Variants in SPEG observed in about 807,000 individuals in gnomAD.
SPEG encodes striated muscle enriched protein kinase.
Under a neutral mutation model 300.4 loss-of-function variants are expected in SPEG, and 114 were observed. The observed-to-expected ratio is 0.38, with a 90% confidence interval of 0.33 to 0.44. SPEG has a LOEUF of 0.44. Among genes scored for constraint, SPEG ranks in the 20% least tolerant of loss-of-function variants. The pLI, the probability that SPEG is intolerant of heterozygous loss-of-function variation, is 1.00. For synonymous variants in SPEG, 1,964 were observed against 2,018.9 expected, an observed-to-expected ratio of 0.97 and a Z score of 0.73; for missense variants, 4,201 against 4,586.2, an observed-to-expected ratio of 0.92 and a Z score of 2.43.
rs201500512 is a variant in SPEG at position 219,490,463 on chromosome 2, C to G, written c.8976C>G (p.Phe2992Leu). 4.3e-6 allele frequency: 7 copies of G among 1,613,182 alleles called. No homozygotes were observed. In the African/African-American group the frequency reaches 6.7e-5, roughly 15 times the overall value. ...ACRENATGRT[F>L]VAKIVPYAAE... ...GGGAGAATGCCACGGGGCGAACGTT[C>G]GTGGCCAAGATCGTGCCCTATGCTG... The change falls in exon 37 of 41, where the codon TTC becomes TTG. Residue 2992 changes from phenylalanine to leucine, a missense_variant. By Grantham distance (22) the Phe-to-Leu change is conservative. Coordinates refer to ENST00000312358, the MANE Select transcript of SPEG (RefSeq NM_005876.5).
At position 219,491,844 on chromosome 2, in the gene SPEG, G is replaced by C; in HGVS notation, c.9436G>C (p.Gly3146Arg). The C allele has an allele frequency of 6.2e-7, 1 of 1,611,916 alleles. No individual in the cohort carries two copies. The highest frequency in any genetic ancestry group is 8.5e-7 in the Non-Finnish European group (1 of 1,179,086). ...CATCGGCTCTGCCACGGACATCTGG[G>C]GAGCGGGTGTGCTCACTTACATTAT... is the stretch of plus-strand genomic sequence containing the variant. ...EPIGSATDIW[G>R]AGVLTYIMLS... Residue 3146 changes from glycine to arginine, a missense_variant, in exon 39 of 41, where the codon GGA becomes CGA. Coordinates refer to ENST00000312358, the MANE Select transcript of SPEG (RefSeq NM_005876.5).
At chr2:219,490,699 C>T (rs1273930068) in intron 37 of SPEG, 34 bp from the exon 38 acceptor site, 9 of 1,610,690 alleles carry the variant, frequency 5.6e-6, no homozygotes, top group South Asian at 1.1e-5. Context: ...GGAGGCTGGG[C>T]CGGGTATCAT....
chr2:219,471,494 C>T (rs1003244501), intron 13 of SPEG, among the ~76,000 whole-genome samples: 1 of 151,966 alleles, frequency 6.6e-6, no homozygotes, highest in Non-Finnish European at 1.5e-5. Flanking sequence ...AAGCTTTGTT[C>T]GAGTTTTGAC....
At chr2:219,467,499 G>T in intron 10 of SPEG, 65 bp downstream of exon 10, 3 of 1,533,780 alleles carry the variant, frequency 2.0e-6, no homozygotes, top group East Asian at 2.3e-5. Context: ...GGGACTGGGG[G>T]TGTACAGTAA....
chr2:219,442,052 T>A, intron 1 of SPEG: 2 of 1,160,092 alleles, frequency 1.7e-6, no homozygotes, highest in Non-Finnish European at 2.1e-6. Context: ...TCCCCCGCCA[T>A]GAAGAAGCTG....
rs369395171 is a variant in SPEG at position 219,461,974 on chromosome 2, C to T, written c.2533C>T (p.Pro845Ser). The change falls in exon 7 of 41, where the codon CCG becomes TCG. Residue 845 changes from proline to serine, a missense_variant. Physicochemically the swap from Pro to Ser is moderately conservative, Grantham distance 74 (BLOSUM62 -1). Coordinates refer to ENST00000312358, the MANE Select transcript of SPEG (RefSeq NM_005876.5). Reference sequence around the variant, plus strand: ...GTTCCCAGAGCCTGGGGAGACCTGGCCGCGAACCCCCACCATGAAGCCCAG... The same window carrying T: ...GTTCCCAGAGCCTGGGGAGACCTGGTCGCGAACCCCCACCATGAAGCCCAG... Reference protein sequence around the residue: ...EEFPEPGETWPRTPTMKPSPS... With the variant: ...EEFPEPGETWSRTPTMKPSPS... 12 of 1,613,556 alleles carry T rather than the reference C, an allele frequency of 7.4e-6. No homozygotes were observed. Among genetic ancestry groups the T allele is most frequent in the South Asian group, 1.1e-5 (1 of 91,062 alleles).
Position 219,439,225 on chromosome 2 carries a change from G to A in SPEG, c.388+3860G>A, listed in dbSNP as rs1262225089. 3.9e-5 allele frequency among the ~76,000 whole-genome samples: 6 copies of A among 152,096 alleles called. No homozygotes were observed. Among genetic ancestry groups the A allele is most frequent in the Non-Finnish European group, 7.4e-5 (5 of 68,022 alleles). ...CGTTGCAGGAAGATTTACTGTCCCC[G>A]TTCCCATCACTGCTTACCCTCTCCA... On this transcript the variant is annotated intron_variant, in intron 1 of 40. Coordinates refer to ENST00000312358, the MANE Select transcript of SPEG (RefSeq NM_005876.5). This position sits in a 1 kb window ranked among gnomAD's most constrained non-coding sequence, Gnocchi z 4.5.
chr2:219,477,149 G>C lies in SPEG; in HGVS notation c.4561-128G>C. ...AGCTGAGGGGTGCAGGGCTTTCTGT[G>C]GGAGATAAGGGAGGAGCTGACTCTG... On this transcript the variant is annotated intron_variant, in intron 19 of 40. Coordinates refer to ENST00000312358, the MANE Select transcript of SPEG (RefSeq NM_005876.5). This position sits in a 1 kb window ranked among gnomAD's most constrained non-coding sequence, Gnocchi z 6.4. 2 of 1,004,384 alleles carry C rather than the reference G, an allele frequency of 2.0e-6. No homozygotes were observed. Among genetic ancestry groups the C allele is most frequent in the Non-Finnish European group, 2.9e-6 (2 of 693,990 alleles). The allele number at this position is 1,004,384 out of a possible 1,614,324, so 62.2% of individuals were successfully genotyped here. A position where few individuals can be genotyped will look rare whatever the true frequency, so the allele number is the denominator to read the frequency against.
Position 219,445,660 on chromosome 2 carries a change from C to A in SPEG, c.815+499C>A. 1 of 166,544 alleles carries A rather than the reference C, an allele frequency of 6.0e-6. No homozygotes were observed. The allele number at this position is 166,544 out of a possible 1,614,324, so 10.3% of individuals were successfully genotyped here. On this transcript the variant is annotated intron_variant, in intron 3 of 40. Transcript: ENST00000312358. This position sits in a 1 kb window ranked among gnomAD's most constrained non-coding sequence, Gnocchi z 6.1. ...AGCAGGAGAGAGCAGGGGAACAAGCCAGCAAGCAGGAGAGAGAAGAGAGTG... is the reference window on the plus strand; with the variant it reads ...AGCAGGAGAGAGCAGGGGAACAAGCAAGCAAGCAGGAGAGAGAAGAGAGTG...
At chr2:219,462,162 T>C in intron 7 of SPEG, 105 bp downstream of exon 7, 1 of 1,199,140 alleles carries the variant, frequency 8.3e-7, no homozygotes, top group Non-Finnish European at 1.2e-6. Flanking sequence ...CCTGGAACTT[T>C]GCTCCCATTC....
chr2:219,469,399 C>T lies in SPEG; in HGVS notation c.3715+20C>T. Reference sequence around the variant, plus strand: ...CACAGTGTACGTGTCTGGGAAGTTCCCCGGGAGTGTCCCCTGCAGCACCCA... The same window carrying T: ...CACAGTGTACGTGTCTGGGAAGTTCTCCGGGAGTGTCCCCTGCAGCACCCA... On this transcript the variant is annotated intron_variant, in intron 13 of 40. Coordinates refer to ENST00000312358, the MANE Select transcript of SPEG (RefSeq NM_005876.5). 2 of 1,594,146 alleles carry T rather than the reference C, an allele frequency of 1.3e-6. No individual in the cohort carries two copies. Among genetic ancestry groups the T allele is most frequent in the African/African-American group, 1.3e-5 (1 of 74,678 alleles).
chr2:219,473,141 A>G lies in SPEG; in HGVS notation c.4147+45A>G. ...TCGGGTGGGGGTGGGAGCTGCTGGG[A>G]TGGGGAATGGGGGCCCTGTGGTGGA... On this transcript the variant is annotated intron_variant, in intron 16 of 40. Transcript: ENST00000312358. The surrounding 1 kb of genome is among the most constrained non-coding windows in gnomAD (Gnocchi z 4.6). The G allele has an allele frequency of 6.4e-7, 1 of 1,554,244 alleles. No homozygotes were observed. Among genetic ancestry groups the G allele is most frequent in the Non-Finnish European group, 8.8e-7 (1 of 1,139,356 alleles).
rs890065946 is a variant in SPEG at position 219,439,969 on chromosome 2, T to C, written c.388+4604T>C. Among the ~76,000 whole-genome samples the C allele has an allele frequency of 6.6e-6, 1 of 152,186 alleles. No individual in the cohort carries two copies. Among genetic ancestry groups the C allele is most frequent in the African/African-American group, 2.4e-5 (1 of 41,434 alleles). ...TGGCTGGAACGAGTGTGGACACACA[T>C]ATGTGCCCTCTCAGCACACGTCCCT... On this transcript the variant is annotated intron_variant, in intron 1 of 40. Coordinates refer to ENST00000312358, the MANE Select transcript of SPEG (RefSeq NM_005876.5). This position sits in a 1 kb window ranked among gnomAD's most constrained non-coding sequence, Gnocchi z 4.5.
chr2:219,471,660 G>A, intron 13 of SPEG: 1 of 601,528 alleles, frequency 1.7e-6, no homozygotes. Flanking sequence ...GGCAGATGTA[G>A]ACTTGGAAGC....
rs373787958 is a variant in SPEG at position 219,473,851 on chromosome 2, C to T, written c.4395C>T (p.Thr1465=). ...GGGACATGGGGGCCCTCACCTGCACCGCCCGAAACCGTCACGGCACACAGA... is the reference window on the plus strand; with the variant it reads ...GGGACATGGGGGCCCTCACCTGCACTGCCCGAAACCGTCACGGCACACAGA... ...SRRDMGALTC[T]ARNRHGTQTC... The change falls in exon 18 of 41, where the codon ACC becomes ACT. Residue 1465 remains threonine, a synonymous_variant. Transcript: ENST00000312358. This position sits in a 1 kb window ranked among gnomAD's most constrained non-coding sequence, Gnocchi z 4.6. 84 of 1,613,542 alleles carry T rather than the reference C, an allele frequency of 5.2e-5. No individual in the cohort carries two copies. Among genetic ancestry groups the T allele is most frequent in the Middle Eastern group, 3.3e-4 (2 of 6,084 alleles).
chr2:219,483,188 C>G lies in SPEG; in HGVS notation c.5725C>G (p.Pro1909Ala). The G allele has an allele frequency of 6.2e-7, 1 of 1,609,628 alleles. No homozygotes were observed. The highest frequency in any genetic ancestry group is 1.1e-5 in the South Asian group (1 of 90,672). The change falls in exon 30 of 41, where the codon CCC (proline) becomes GCC (alanine). Residue 1909 changes from proline to alanine, a missense_variant. By Grantham distance (27) the Pro-to-Ala change is conservative. This residue lies in a region of SPEG where 1,578 missense variants were observed against 1,506.0 expected (regional missense o/e 1.05). Transcript: ENST00000312358. ...APPERVWVTM[P>A]RRPPPSGGLS... ...CCCAGAGCGGGTGTGGGTGACCATG[C>G]CCAGAAGGCCACCCCCCAGTGGGGG...
In SPEG at chr2:219,444,064, G is replaced by A; in HGVS notation, c.389-589G>A. The A allele has an allele frequency of 7.3e-7, 1 of 1,365,088 alleles. No individual in the cohort carries two copies. Among genetic ancestry groups the A allele is most frequent in the Non-Finnish European group, 9.8e-7 (1 of 1,021,328 alleles). The allele number at this position is 1,365,088 out of a possible 1,614,324, so 84.6% of individuals were successfully genotyped here. ...CCTGCAGAAAGCAAAGTTACGGTAG[G>A]AAACTGGCTCCTGCTCTAGCCCCCC... On this transcript the variant is annotated intron_variant, in intron 1 of 40. Transcript: ENST00000312358. The surrounding 1 kb of genome is among the most constrained non-coding windows in gnomAD (Gnocchi z 7.8).
intron 6 of SPEG, 29 bp from the exon 7 acceptor site, chr2:219,461,853 C>A: frequency 6.2e-7 from 1 of 1,607,606 alleles, no homozygotes; most frequent in Non-Finnish European, 8.5e-7. Context: ...TCGCCTTCCT[C>A]CCTGGTAGCT....
Position 219,482,810 on chromosome 2 carries a change from C to G in SPEG, c.5592C>G (p.Ser1864Arg), listed in dbSNP as rs767493071. Reference protein sequence around the residue: ...FKTQAKGAEVSTDHLKLFLSR... With the variant: ...FKTQAKGAEVRTDHLKLFLSR... ...CTCAGGCAAAGGGCGCAGAGGTGAGCACGGATCACCTGAAGCTATTCCTCT... is the reference window on the plus strand; with the variant it reads ...CTCAGGCAAAGGGCGCAGAGGTGAGGACGGATCACCTGAAGCTATTCCTCT... The change falls in exon 29 of 41, where the codon AGC (serine) becomes AGG (arginine). Residue 1864 changes from serine (S) to arginine (R), a missense_variant. This residue lies in a region of SPEG where 1,578 missense variants were observed against 1,506.0 expected (regional missense o/e 1.05). Coordinates refer to ENST00000312358, the MANE Select transcript of SPEG (RefSeq NM_005876.5). 6.2e-7 allele frequency: 1 copy of G among 1,613,904 alleles called. No individual in the cohort carries two copies. The highest frequency in any genetic ancestry group is 8.5e-7 in the Non-Finnish European group (1 of 1,179,944).
Sources: allele counts gnomAD v4.1 joint callset (sites outside exome capture counted in the v4.1 genomes callset), GRCh38; gene constraint gnomAD v4.1.1; regional missense constraint gnomAD v4.1.1; non-coding constraint Gnocchi (gnomAD v3.1); transcripts MANE v1.5; gene names NCBI Gene and HGNC (gene_info 2026-07-23, HGNC 2026-07-21).